FUT4: variants seen among roughly 807,000 people sequenced by gnomAD.
FUT4 encodes alpha-(1,3)-fucosyltransferase 4.
FUT4 carries 1 observed loss-of-function variant against 3.8 expected under a neutral mutation model. That is an observed-to-expected ratio of 0.26 (90% CI 0.09 to 1.25). The LOEUF (loss-of-function observed/expected upper bound fraction) is 1.25, where lower values mean the gene tolerates loss of function less well. Among genes scored for constraint, FUT4 ranks in the 50% most tolerant of loss-of-function variants. The pLI, the probability that FUT4 is intolerant of heterozygous loss-of-function variation, is 0.47. For missense variants in FUT4, 880 were observed against 768.2 expected (o/e 1.15, Z -1.72); for synonymous variants, 417 against 355.3 (o/e 1.17, Z -1.95).
Position 94,545,035 on chromosome 11 carries a change from C to T in FUT4, c.902C>T (p.Ser301Leu). 4 of 1,611,290 alleles carry T rather than the reference C, an allele frequency of 2.5e-6. No individual in the cohort carries two copies. The South Asian group carries it at 3.3e-5, about 13-fold the overall frequency. ...GTTTGGATGAACTTCGAGTCGCCCT[C>T]GCACTCCCCGGGGCTGCGAAGCCTG... ...RWVWMNFESP[S>L]HSPGLRSLAS... is the part of the protein sequence containing the mutation. The change falls in exon 1 of 1, where the codon TCG becomes TTG. Residue 301 changes from serine (S) to leucine (L), a missense_variant. By Grantham distance (145) the Ser-to-Leu change is moderately radical (BLOSUM62 -2). Transcript: ENST00000358752.
Position 94,548,329 on chromosome 11 carries a change from G to A in FUT4, c.*2603G>A, listed in dbSNP as rs1185237425. On this transcript the variant is annotated 3_prime_UTR_variant, in exon 1 of 1. Transcript: ENST00000358752. Reference sequence around the variant, plus strand: ...GTGATCTTGGCTCACTGCAACCTCCGCCTCCCAGGTTCAAGCGATTCTCCT... The same window carrying A: ...GTGATCTTGGCTCACTGCAACCTCCACCTCCCAGGTTCAAGCGATTCTCCT... 6 of 151,394 alleles carry A rather than the reference G, an allele frequency of 4.0e-5. No homozygotes were observed. The highest frequency in any genetic ancestry group is 6.7e-5 in the Admixed American group (1 of 14,886). The allele number at this position is 151,394 out of a possible 1,614,324, so 9.4% of individuals were successfully genotyped here.
rs939539122 is a variant in FUT4, at chr11:94,546,473, T to A, written c.*747T>A. 1 of 168,310 alleles carries A rather than the reference T, an allele frequency of 5.9e-6. No individual in the cohort carries two copies. The highest frequency in any genetic ancestry group is 6.4e-5 in the Admixed American group (1 of 15,536). 10.4% of individuals were successfully genotyped at this position (168,310 alleles called of 1,614,324 possible). On this transcript the variant is annotated 3_prime_UTR_variant, in exon 1 of 1. Coordinates refer to ENST00000358752, the MANE Select transcript of FUT4 (RefSeq NM_002033.4). ...TCATTGACTTAGGGGAGTTCAGTATTTAATGAAACCCTATGGAGAATTTAT... is the reference window on the plus strand; with the variant it reads ...TCATTGACTTAGGGGAGTTCAGTATATAATGAAACCCTATGGAGAATTTAT...
In FUT4 at chr11:94,547,153, C is replaced by A. The variant is rs936727512; in HGVS notation, c.*1427C>A. ...CTCTGCCAGACACTGAGCTTGGGGC[C>A]CTAGGGAAGATAGAGAATTATACAA... On this transcript the variant is annotated 3_prime_UTR_variant, in exon 1 of 1. Coordinates refer to ENST00000358752, the MANE Select transcript of FUT4 (RefSeq NM_002033.4). 1.6e-4 allele frequency: 26 copies of A among 166,982 alleles called. No homozygotes were observed. The highest frequency in any genetic ancestry group is 6.3e-4 in the African/African-American group (26 of 41,406). 10.3% of individuals were successfully genotyped at this position (166,982 alleles called of 1,614,324 possible). A position where few individuals can be genotyped will look rare whatever the true frequency, so the allele number is the denominator to read the frequency against.
rs1242772458 is a variant in FUT4 at position 94,545,187 on chromosome 11, A to G, written c.1054A>G (p.Arg352Gly). The part of the protein sequence containing the change: ...PPSGLAPPLS[R>G]KQGLVAWVVS... The stretch of plus-strand genomic sequence containing the variant: ...CTCAGGCCTGGCCCCGCCACTGTCC[A>G]GGAAACAGGGGCTGGTGGCATGGGT... Residue 352 changes from arginine to glycine, a missense_variant, in exon 1 of 1, where the codon AGG becomes GGG. Around this residue, in one of 3 missense-constraint regions of FUT4, gnomAD observed 424 missense variants for 400.4 expected, o/e 1.06. Transcript: ENST00000358752. The G allele has an allele frequency of 2.5e-6, 4 of 1,611,192 alleles. No individual in the cohort carries two copies. Among genetic ancestry groups the G allele is most frequent in the African/African-American group, 2.7e-5 (2 of 74,914 alleles).
At position 94,544,596 on chromosome 11, in the gene FUT4, G is replaced by T; in HGVS notation, c.463G>T (p.Val155Leu). The T allele has an allele frequency of 6.9e-7, 1 of 1,455,412 alleles. No individual in the cohort carries two copies. The highest frequency in any genetic ancestry group is 1.5e-5 in the African/African-American group (1 of 67,278). The allele number at this position is 1,455,412 out of a possible 1,614,324, so 90.2% of individuals were successfully genotyped here. ...CCGGGGGCTGCCATGGACCGTCTGT[G>T]TGCTGGCGGCCGCCGGCTTGACGTG... ...RGRGLPWTVC[V>L]LAAAGLTCTA... Residue 155 changes from valine (V) to leucine (L), a missense_variant, in exon 1 of 1, where the codon GTG becomes TTG. Coordinates refer to ENST00000358752, the MANE Select transcript of FUT4 (RefSeq NM_002033.4).
rs778511102 is a variant in FUT4, at chr11:94,544,428, C to G, written c.295C>G (p.Gln99Glu). ...CGAGCGGCAGCGACGGCTGGAGCCG[C>G]AGCTACAGCATGAGAGCCGGTGCCG... ...SGERQRRLEP[Q>E]LQHESRCRSS... The change falls in exon 1 of 1, where the codon CAG (glutamine) becomes GAG (glutamate). Residue 99 changes from glutamine (Q) to glutamate (E), a missense_variant. Transcript: ENST00000358752. 1.3e-6 allele frequency: 2 copies of G among 1,523,338 alleles called. No individual in the cohort carries two copies. The highest frequency in any genetic ancestry group is 3.9e-5 in the Admixed American group (2 of 50,908). The allele number at this position is 1,523,338 out of a possible 1,614,324, so 94.4% of individuals were successfully genotyped here.
rs1254760294 is a variant in FUT4, at chr11:94,544,562, G to A, written c.429G>A (p.Trp143Ter). Residue 143 changes from tryptophan (W) to a stop codon, truncating the protein, a stop_gained, in exon 1 of 1, where the codon TGG becomes TGA. Coordinates refer to ENST00000358752, the MANE Select transcript of FUT4 (RefSeq NM_002033.4). LOFTEE classifies it low-confidence loss of function (END_TRUNC). ...CGGCGGCGGGCGGGCGGCGCGGGTG[G>A]CGCCGAGGCCGGGGGCTGCCATGGA... ...PTAAAGGRRG[W>*]RRGRGLPWTV... 3 of 1,293,722 alleles carry A rather than the reference G, an allele frequency of 2.3e-6. No individual in the cohort carries two copies. Among genetic ancestry groups the A allele is most frequent in the Non-Finnish European group, 2.9e-6 (3 of 1,027,834 alleles). 80.1% of individuals were successfully genotyped at this position (1,293,722 alleles called of 1,614,324 possible). A position where few individuals can be genotyped will look rare whatever the true frequency, so the allele number is the denominator to read the frequency against.
In FUT4 at chr11:94,544,242, C is replaced by A. The variant is rs752696370; in HGVS notation, c.109C>A (p.Pro37Thr). 1 of 1,500,870 alleles carries A rather than the reference C, an allele frequency of 6.7e-7. No homozygotes were observed. Among genetic ancestry groups the A allele is most frequent in the South Asian group, 1.3e-5 (1 of 76,292 alleles). 93.0% of individuals were successfully genotyped at this position (1,500,870 alleles called of 1,614,324 possible). The change falls in exon 1 of 1, where the codon CCC becomes ACC. Residue 37 changes from proline to threonine, a missense_variant. This residue lies in a region of FUT4 where 447 missense variants were observed against 339.5 expected (regional missense o/e 1.32). Coordinates refer to ENST00000358752, the MANE Select transcript of FUT4 (RefSeq NM_002033.4). ...CGGGGCCTGGTCGGGCCGGCTGGGCCCCGGGCGCAGTGGAAGAAAGGGACG... is the reference window on the plus strand; with the variant it reads ...CGGGGCCTGGTCGGGCCGGCTGGGCACCGGGCGCAGTGGAAGAAAGGGACG... The part of the protein sequence containing the change: ...APGAWSGRLG[P>T]GRSGRKGRAV...
chr11:94,544,095 G>T lies in FUT4; in HGVS notation c.-39G>T, dbSNP rs1375993561. 2 of 1,364,444 alleles carry T rather than the reference G, an allele frequency of 1.5e-6. No homozygotes were observed. The highest frequency in any genetic ancestry group is 4.0e-5 in the Admixed American group (1 of 24,854). 84.5% of individuals were successfully genotyped at this position (1,364,444 alleles called of 1,614,324 possible). A position where few individuals can be genotyped will look rare whatever the true frequency, so the allele number is the denominator to read the frequency against. ...GGCCAGGGCGGTGGGCGCGCGCAGA[G>T]GGAAACCGGATCAGTTGAGAGAGAA... On this transcript the variant is annotated 5_prime_UTR_variant, in exon 1 of 1. It adds an upstream start codon to the 5' untranslated region. Transcript: ENST00000358752.
chr11:94,545,170 T>C lies in FUT4; in HGVS notation c.1037T>C (p.Leu346Pro). 1 of 1,603,078 alleles carries C rather than the reference T, an allele frequency of 6.2e-7. No homozygotes were observed. The stretch of plus-strand genomic sequence containing the variant: ...CACCCCGGCGACCCGCCCTCAGGCC[T>C]GGCCCCGCCACTGTCCAGGAAACAG... ...RSHPGDPPSG[L>P]APPLSRKQGL... is the part of the protein sequence containing the mutation. Residue 346 changes from leucine (L) to proline (P), a missense_variant, in exon 1 of 1, where the codon CTG (leucine) becomes CCG (proline). Physicochemically the swap from Leu to Pro is moderately conservative, Grantham distance 98. Coordinates refer to ENST00000358752, the MANE Select transcript of FUT4 (RefSeq NM_002033.4).
Position 94,545,950 on chromosome 11 carries a change from TGA to T in FUT4, c.*225_*226del. The T allele has an allele frequency of 1.4e-6, 1 of 698,340 alleles. No homozygotes were observed. The highest frequency in any genetic ancestry group is 2.0e-5 in the Admixed American group (1 of 49,138). 43.3% of individuals were successfully genotyped at this position (698,340 alleles called of 1,614,324 possible). On this transcript the variant is annotated 3_prime_UTR_variant, in exon 1 of 1. Coordinates refer to ENST00000358752, the MANE Select transcript of FUT4 (RefSeq NM_002033.4). ...CTAGCAATTGGGCTCCCTTTGCTGC[TGA>T]TGGGCATCATTGTTTAGGGGTGAAG...
Position 94,545,460 on chromosome 11 carries a change from G to C in FUT4, c.1327G>C (p.Asp443His). ...GGCGGTGCCGGTGGTGCTGGGCCCA[G>C]ACCGTGCCAACTACGAGCGCTTTGT... is the stretch of plus-strand genomic sequence containing the variant. ...AGAVPVVLGPDRANYERFVPR... is the reference protein window; with the variant it reads ...AGAVPVVLGPHRANYERFVPR... Residue 443 changes from aspartate (D) to histidine (H), a missense_variant, in exon 1 of 1, where the codon GAC becomes CAC. Asp to His is a moderately conservative substitution (Grantham distance 81, BLOSUM62 -1). Transcript: ENST00000358752. 6.2e-7 allele frequency: 1 copy of C among 1,613,424 alleles called. No individual in the cohort carries two copies. The highest frequency in any genetic ancestry group is 8.5e-7 in the Non-Finnish European group (1 of 1,179,886).
chr11:94,544,112 G>T lies in FUT4; in HGVS notation c.-22G>T. 7.2e-7 allele frequency: 1 copy of T among 1,382,102 alleles called. No homozygotes were observed. Among genetic ancestry groups the T allele is most frequent in the South Asian group, 1.7e-5 (1 of 58,112 alleles). The allele number at this position is 1,382,102 out of a possible 1,614,324, so 85.6% of individuals were successfully genotyped here. On this transcript the variant is annotated 5_prime_UTR_variant, in exon 1 of 1. It removes the in-frame stop codon of an upstream open reading frame in the 5' UTR. Transcript: ENST00000358752. ...CGCGCAGAGGGAAACCGGATCAGTT[G>T]AGAGAGAATCAAGAGTAGCGGATGA...
Position 94,544,702 on chromosome 11 carries a change from G to A in FUT4, c.569G>A (p.Gly190Asp). ...WASPTPSRPV[G>D]VLLWWEPFGG... ...TCGCCAACCCCGTCGCGACCGGTGG[G>A]CGTGCTGCTGTGGTGGGAGCCCTTC... The change falls in exon 1 of 1, where the codon GGC (glycine) becomes GAC (aspartate). Residue 190 changes from glycine to aspartate, a missense_variant. This residue lies in a region of FUT4 where 447 missense variants were observed against 339.5 expected (regional missense o/e 1.32). Transcript: ENST00000358752. The A allele has an allele frequency of 1.3e-6, 2 of 1,546,436 alleles. No individual in the cohort carries two copies. The highest frequency in any genetic ancestry group is 1.4e-5 in the African/African-American group (1 of 71,900).
At position 94,545,274 on chromosome 11, in the gene FUT4, G is replaced by A; in HGVS notation, c.1141G>A (p.Val381Met). 4 of 1,612,082 alleles carry A rather than the reference G, an allele frequency of 2.5e-6. No individual in the cohort carries two copies. Among genetic ancestry groups the A allele is most frequent in the South Asian group, 1.1e-5 (1 of 91,078 alleles). ...CTACTACCACCAACTGAGCCAACAT[G>A]TGACCGTGGACGTGTTCGGCCGGGG... ...VRYYHQLSQH[V>M]TVDVFGRGGP... Residue 381 changes from valine to methionine, a missense_variant, in exon 1 of 1, where the codon GTG becomes ATG. This residue lies in a region of FUT4 where 424 missense variants were observed against 400.4 expected (regional missense o/e 1.06). Transcript: ENST00000358752.
In FUT4 at chr11:94,547,388, T is replaced by C. The variant is rs954345792; in HGVS notation, c.*1662T>C. 6 of 167,042 alleles carry C rather than the reference T, an allele frequency of 3.6e-5. No homozygotes were observed. Among genetic ancestry groups the C allele is most frequent in the African/African-American group, 7.2e-5 (3 of 41,470 alleles). The allele number at this position is 167,042 out of a possible 1,614,324, so 10.3% of individuals were successfully genotyped here. A position where few individuals can be genotyped will look rare whatever the true frequency, so the allele number is the denominator to read the frequency against. On this transcript the variant is annotated 3_prime_UTR_variant, in exon 1 of 1. Coordinates refer to ENST00000358752, the MANE Select transcript of FUT4 (RefSeq NM_002033.4). ...AATAAGGACCCTCAGTGACTAATTA[T>C]TGTGGGTAGGGTCAAGATTAACTAG...
Position 94,544,769 on chromosome 11 carries a change from G to GCTGCGCTTCAACATCAGCGGCTGCCGC in FUT4, c.641_667dup (p.Arg214_Leu222dup). 1.3e-6 allele frequency: 2 copies of GCTGCGCTTCAACATCAGCGGCTGCCGC among 1,580,326 alleles called. No homozygotes were observed. Among genetic ancestry groups the GCTGCGCTTCAACATCAGCGGCTGCCGC allele is most frequent in the Non-Finnish European group, 1.7e-6 (2 of 1,170,936 alleles). ...CCCCGAGGCCGCCCCCTGACTGCCG[G>GCTGCGCTTCAACATCAGCGGCTGCCGC]CTGCGCTTCAACATCAGCGGCTGCC... On this transcript the variant is annotated inframe_insertion, in exon 1 of 1. Transcript: ENST00000358752.
rs10831240 is a variant in FUT4, at chr11:94,547,023, T to C, written c.*1297T>C. The C allele has an allele frequency of 0.073, 12,121 of 167,144 alleles. 1,378 individuals carry two copies. The highest frequency in any genetic ancestry group is 0.25 in the African/African-American group (10,417 of 41,496). The allele number at this position is 167,144 out of a possible 1,614,324, so 10.4% of individuals were successfully genotyped here. On this transcript the variant is annotated 3_prime_UTR_variant, in exon 1 of 1. Transcript: ENST00000358752. ...GTGGTATAGCATATCCTCACATTTC[T>C]AGTGCCCTTGAGACTGTGCTATGGA...
rs897166332 is a variant in FUT4, at chr11:94,546,541, G to C, written c.*815G>C. On this transcript the variant is annotated 3_prime_UTR_variant, in exon 1 of 1. Coordinates refer to ENST00000358752, the MANE Select transcript of FUT4 (RefSeq NM_002033.4). ...AGTCATCTCCTAATTTGTTTCTTCT[G>C]TCTTTATGTTTTTCTATAACCTGGA... is the stretch of plus-strand genomic sequence containing the variant. 2 of 166,888 alleles carry C rather than the reference G, an allele frequency of 1.2e-5. No homozygotes were observed. The highest frequency in any genetic ancestry group is 4.8e-5 in the African/African-American group (2 of 41,428). 10.3% of individuals were successfully genotyped at this position (166,888 alleles called of 1,614,324 possible). A position where few individuals can be genotyped will look rare whatever the true frequency, so the allele number is the denominator to read the frequency against.
Sources: gnomAD v4.1 joint callset for allele counts on GRCh38, gnomAD v4.1.1 for gene constraint, gnomAD v4.1.1 regional missense constraint, MANE v1.5 for transcripts, NCBI Gene and HGNC (gene_info 2026-07-23, HGNC 2026-07-21) for gene names.